The following TMEM108 variants were observed in gnomAD, a reference collection of about 807,000 sequenced individuals.
TMEM108 encodes transmembrane protein 108, also known as cancer/testis antigen 124.
Under a neutral mutation model 35.1 loss-of-function variants are expected in TMEM108, and 12 were observed. The observed-to-expected ratio is 0.34, with a 90% CI of 0.22 to 0.55. The LOEUF (loss-of-function observed/expected upper bound fraction) is 0.55, where lower values mean the gene tolerates loss of function less well. Among genes scored for constraint, TMEM108 ranks in the 20% least tolerant of loss-of-function variants. TMEM108 has a pLI of 0.89. For synonymous variants in TMEM108, 287 were observed against 308.6 expected, an observed-to-expected ratio of 0.93 and a Z score of 0.73; for missense variants, 680 against 753.3, an observed-to-expected ratio of 0.90 and a Z score of 1.14.
chr3:133,334,101 G>A (rs969787618), intron 3 of TMEM108, among the ~76,000 whole-genome samples: 4 of 151,930 alleles, frequency 2.6e-5, no homozygotes, highest in Non-Finnish European at 5.9e-5. Context: ...CAGTTAATAC[G>A]ATAGCTCCTC....
intron 3 of TMEM108, among the ~76,000 whole-genome samples, chr3:133,343,882 G>A (rs1045703204): frequency 2.6e-5 from 4 of 151,852 alleles, no homozygotes; most frequent in African/African-American, 9.7e-5. Flanking sequence ...GCAGACTGGG[G>A]AAAGTGAATA....
chr3:133,152,693 C>G (rs1051533686), intron 2 of TMEM108, among the ~76,000 whole-genome samples: 1 of 152,054 alleles, frequency 6.6e-6, no homozygotes, highest in Non-Finnish European at 1.5e-5. Context: ...AATTTCCAGA[C>G]CCCTATTACC....
chr3:133,248,620 C>A (rs1369336690), intron 3 of TMEM108: 1 of 152,140 alleles, frequency 6.6e-6, no homozygotes, highest in Non-Finnish European at 1.5e-5. Flanking sequence ...ATAAAACAAA[C>A]AGTAGCAGGA....
chr3:133,357,778 G>A (rs1359329566), intron 3 of TMEM108, among the ~76,000 whole-genome samples: 2 of 152,126 alleles, frequency 1.3e-5, no homozygotes, highest in Non-Finnish European at 2.9e-5. Context: ...GACTCAGAGT[G>A]TAGGGGGACG....
chr3:133,085,265 AT>A (rs1489743206), intron 2 of TMEM108, among the ~76,000 whole-genome samples: 1 of 152,100 alleles, frequency 6.6e-6, no homozygotes, highest in Non-Finnish European at 1.5e-5. Flanking sequence ...GAATGTTTTC[AT>A]TTTTTTACCC....
At chr3:133,193,134 A>G (rs1945525319) in intron 2 of TMEM108, among the ~76,000 whole-genome samples, 1 of 152,128 alleles carries the variant, frequency 6.6e-6, no homozygotes, top group Non-Finnish European at 1.5e-5. Flanking sequence ...TGACTAAGGG[A>G]GCAGAAGTGT....
At chr3:133,108,965 A>C (rs1476503743) in intron 2 of TMEM108, among the ~76,000 whole-genome samples, 1 of 152,118 alleles carries the variant, frequency 6.6e-6, no homozygotes, top group Non-Finnish European at 1.5e-5. Context: ...GTGCACATGT[A>C]CCCTACAACT....
intron 3 of TMEM108, among the ~76,000 whole-genome samples, chr3:133,327,108 C>T (rs1244795070): frequency 1.3e-5 from 2 of 152,060 alleles, no homozygotes; most frequent in East Asian, 3.9e-4. Context: ...AAGAAGGGTG[C>T]CTTTGTGTAC....
At chr3:133,181,845 A>G (rs972123748) in intron 2 of TMEM108, among the ~76,000 whole-genome samples, 4 of 152,198 alleles carry the variant, frequency 2.6e-5, no homozygotes, top group African/African-American at 9.6e-5. Flanking sequence ...GAGAAATTCT[A>G]TTACCAAATA....
chr3:133,149,392 G>A (rs1161391178), intron 2 of TMEM108, among the ~76,000 whole-genome samples: 2 of 152,106 alleles, frequency 1.3e-5, no homozygotes, highest in Admixed American at 1.3e-4. Context: ...AGATCTCTTA[G>A]CAAATTTTAA....
At chr3:133,232,694 G>A (rs577379166) in intron 3 of TMEM108, among the ~76,000 whole-genome samples, 5 of 152,342 alleles carry the variant, frequency 3.3e-5, no homozygotes, top group Admixed American at 1.3e-4. Flanking sequence ...CAATGCTATT[G>A]AGGTTTTAAT....
chr3:133,047,999 A>G (rs12330756), intron 2 of TMEM108, among the ~76,000 whole-genome samples: 37,029 of 152,066 alleles, frequency 0.24, 5,363 homozygotes, highest in Non-Finnish European at 0.32. Flanking sequence ...GGTATGGGAA[A>G]TAATGAAGAA....
chr3:133,177,186 C>T (rs200311692), intron 2 of TMEM108, among the ~76,000 whole-genome samples: 2,096 of 152,230 alleles, frequency 0.014, 35 homozygotes, highest in African/African-American at 0.048. Context: ...AGCTTACCAA[C>T]CAAAAAAGTC....
chr3:133,173,356 A>T (rs1945159014), intron 2 of TMEM108, among the ~76,000 whole-genome samples: 1 of 152,106 alleles, frequency 6.6e-6, no homozygotes, highest in Non-Finnish European at 1.5e-5. Flanking sequence ...TCTGATTTAG[A>T]TAATACTGCA....
chr3:133,177,715 G>C (rs1277625349), intron 2 of TMEM108, among the ~76,000 whole-genome samples: 2 of 152,078 alleles, frequency 1.3e-5, no homozygotes. Context: ...CATACTGAAT[G>C]GGCAAAAACT....
intron 3 of TMEM108, among the ~76,000 whole-genome samples, chr3:133,360,007 T>TAAAAAAAAAAA (rs59374214): frequency 1.8e-5 from 2 of 112,892 alleles, no homozygotes; most frequent in African/African-American, 3.5e-5. Context: ...ACTCAACAGT[T>TAAAAAAAAAAA]AAAAAAAAAA....
In TMEM108 at chr3:133,109,366, G is replaced by A. The variant is rs367675033; in HGVS notation, c.-47+63346G>A. Among the ~76,000 whole-genome samples the A allele has an allele frequency of 1.9e-4, 29 of 152,114 alleles. 1 individual carries two copies. The highest frequency in any genetic ancestry group is 3.4e-3 in the Middle Eastern group (1 of 294). The stretch of plus-strand genomic sequence containing the variant: ...GGTACTGCCAGGCATAGTGGCTCAC[G>A]CCTGTAATCCCAGCACTCAGGGAGA... On this transcript the variant is annotated intron_variant, in intron 2 of 5. Coordinates refer to ENST00000321871, the MANE Select transcript of TMEM108 (RefSeq NM_023943.4).
At chr3:133,197,839 C>G (rs879413229) in intron 2 of TMEM108, among the ~76,000 whole-genome samples, 5 of 152,118 alleles carry the variant, frequency 3.3e-5, no homozygotes, top group Non-Finnish European at 5.9e-5. Flanking sequence ...AGGAAGTGAC[C>G]ACCAAAAGTC....
chr3:133,238,044 A>G (rs1488755939), intron 3 of TMEM108, among the ~76,000 whole-genome samples: 1 of 152,122 alleles, frequency 6.6e-6, no homozygotes, highest in East Asian at 1.9e-4. Flanking sequence ...TGTTAGAGTC[A>G]TTAATAGTCT....
Sources: allele counts gnomAD v4.1 joint callset (sites outside exome capture counted in the v4.1 genomes callset), GRCh38; gene constraint gnomAD v4.1.1; transcripts MANE v1.5; gene names NCBI Gene and HGNC (gene_info 2026-07-23, HGNC 2026-07-21).